The following MAP3K9 variants were observed in gnomAD, a reference collection of about 807,000 sequenced individuals.
MAP3K9 encodes mixed lineage kinase 1 (tyr and ser/thr specificity).
A neutral mutation model predicts 95.8 loss-of-function variants in MAP3K9; 46 were observed. The observed-to-expected ratio is 0.48, with a 90% CI of 0.38 to 0.61. The LOEUF (loss-of-function observed/expected upper bound fraction) is 0.61. MAP3K9 is among the 20% of genes least tolerant of loss of function. The pLI is 0.00. For synonymous variants in MAP3K9, 533 were observed against 593.8 expected, an observed-to-expected ratio of 0.90 and a Z score of 1.49; for missense variants, 1,296 against 1,474.3, an observed-to-expected ratio of 0.88 and a Z score of 1.98.
Position 70,792,252 on chromosome 14 carries a change from C to T in MAP3K9, c.820+8415G>A, listed in dbSNP as rs188620183. On this transcript the variant is annotated intron_variant, in intron 2 of 11. Coordinates refer to ENST00000554752, the MANE Select transcript of MAP3K9 (RefSeq NM_001284230.2). The stretch of plus-strand genomic sequence containing the variant: ...CAAAAGATAAATCCAATTCTCTGAG[C>T]GCTTGTACACTTTTGCCTGGGAAAA... Among the ~76,000 whole-genome samples, 179 of 152,308 alleles carry T rather than the reference C, an allele frequency of 1.2e-3. 1 individual carries two copies. Among genetic ancestry groups the T allele is most frequent in the African/African-American group, 3.8e-3 (159 of 41,546 alleles).
intron 2 of MAP3K9, among the ~76,000 whole-genome samples, chr14:70,788,687 G>C (rs535481767): frequency 6.6e-6 from 1 of 152,320 alleles, no homozygotes; most frequent in Non-Finnish European, 1.5e-5. Flanking sequence ...GTATGTATGG[G>C]AAAGACACAG....
At chr14:70,748,786 T>A in intron 5 of MAP3K9, 43 bp downstream of exon 5, 2 of 1,547,602 alleles carry the variant, frequency 1.3e-6, no homozygotes, top group Non-Finnish European at 1.8e-6. Flanking sequence ...CATGCCTTTT[T>A]TCTTTTCGTT....
Position 70,726,802 on chromosome 14 carries a change from A to C in MAP3K9, c.*3578T>G, listed in dbSNP as rs2053826124. 1 of 152,266 alleles carries C rather than the reference A, an allele frequency of 6.6e-6. No homozygotes were observed. 9.4% of individuals were successfully genotyped at this position (152,266 alleles called of 1,614,324 possible). On this transcript the variant is annotated 3_prime_UTR_variant, in exon 12 of 12. Coordinates refer to ENST00000554752, the MANE Select transcript of MAP3K9 (RefSeq NM_001284230.2). ...TTCAGCGATTCATCCTGTATAGATG[A>C]AAGAAGCTTCCTCTAGGAGCTGGCA...
intron 2 of MAP3K9, among the ~76,000 whole-genome samples, chr14:70,797,615 G>A (rs1219264195): frequency 3.3e-5 from 5 of 152,166 alleles, no homozygotes; most frequent in African/African-American, 4.8e-5. Flanking sequence ...GCAGTCTCCT[G>A]TAATCCCAGC....
intron 1 of MAP3K9, among the ~76,000 whole-genome samples, chr14:70,803,986 G>A (rs1324366841): frequency 1.3e-5 from 2 of 152,230 alleles, no homozygotes; most frequent in Admixed American, 6.5e-5. Context: ...TCTTGCTGCA[G>A]GGATTTTTTG....
intron 1 of MAP3K9, among the ~76,000 whole-genome samples, chr14:70,801,832 G>A (rs2054933865): frequency 6.6e-6 from 1 of 152,166 alleles, no homozygotes; most frequent in African/African-American, 2.4e-5. Context: ...GGGCAGGGAA[G>A]GACAATCAGG....
chr14:70,808,321 T>G lies in MAP3K9; in HGVS notation c.406+445A>C, dbSNP rs971596918. On this transcript the variant is annotated intron_variant, in intron 1 of 11. Coordinates refer to ENST00000554752, the MANE Select transcript of MAP3K9 (RefSeq NM_001284230.2). Reference sequence around the variant, plus strand: ...CCATCTCTTTGAAAGCAAATGCCTTTAGGAGGCGGGGACAGGCGTTAGAAG... The same window carrying G: ...CCATCTCTTTGAAAGCAAATGCCTTGAGGAGGCGGGGACAGGCGTTAGAAG... Among the ~76,000 whole-genome samples, 8 of 150,862 alleles carry G rather than the reference T, an allele frequency of 5.3e-5. No individual in the cohort carries two copies. In the Admixed American group the frequency reaches 5.3e-4, roughly 10 times the overall value.
At chr14:70,806,646 G>A (rs573158739) in intron 1 of MAP3K9, among the ~76,000 whole-genome samples, 8 of 152,264 alleles carry the variant, frequency 5.3e-5, no homozygotes, top group Middle Eastern at 3.4e-3. Context: ...AAAGTAGCAC[G>A]CTGTTGCCAT....
chr14:70,738,469 C>T, intron 7 of MAP3K9, 71 bp from the exon 8 acceptor site: 2 of 1,334,680 alleles, frequency 1.5e-6, no homozygotes, highest in Non-Finnish European at 2.1e-6. Context: ...AGCCTCTATA[C>T]CACCACACAC....
At position 70,734,404 on chromosome 14, in the gene MAP3K9, T is replaced by C; in HGVS notation, c.2008A>G (p.Thr670Ala). Residue 670 changes from threonine (T) to alanine (A), a missense_variant, in exon 10 of 12, where the codon ACC (threonine) becomes GCC (alanine). Transcript: ENST00000554752. ...PRSSPALPGF[T>A]SLMEMEDEDS... Reference sequence around the variant, plus strand: ...TGCTTACCCATCTCCATAAGGCTGGTGAACCCTGGCAGGGCCGGGCTACTC... The same window carrying C: ...TGCTTACCCATCTCCATAAGGCTGGCGAACCCTGGCAGGGCCGGGCTACTC... 1 of 1,613,792 alleles carries C rather than the reference T, an allele frequency of 6.2e-7. No homozygotes were observed. Among genetic ancestry groups the C allele is most frequent in the South Asian group, 1.1e-5 (1 of 91,076 alleles).
intron 2 of MAP3K9, among the ~76,000 whole-genome samples, chr14:70,799,520 T>C (rs2054905127): frequency 6.6e-6 from 1 of 152,070 alleles, no homozygotes; most frequent in South Asian, 2.1e-4. Context: ...TTTGTATTTT[T>C]AGTGGAGACG....
At chr14:70,762,482 T>C (rs2054389425) in intron 2 of MAP3K9, among the ~76,000 whole-genome samples, 1 of 152,240 alleles carries the variant, frequency 6.6e-6, no homozygotes, top group African/African-American at 2.4e-5. Flanking sequence ...GGTTTGCATT[T>C]CCCTGATGAC....
Position 70,742,504 on chromosome 14 carries a change from G to C in MAP3K9, c.1414C>G (p.Leu472Val). Reference sequence around the variant, plus strand: ...AGGATGTCAATCTCCCGCTCGGCCAGCTCCTGCTCCCGACGCCGCAGCAGT... The same window carrying C: ...AGGATGTCAATCTCCCGCTCGGCCACCTCCTGCTCCCGACGCCGCAGCAGT... The part of the protein sequence containing the change: ...EELLRRREQE[L>V]AEREIDILER... Residue 472 changes from leucine (L) to valine (V), a missense_variant, in exon 6 of 12, where the codon CTG becomes GTG. Physicochemically the swap from Leu to Val is conservative, Grantham distance 32 (BLOSUM62 1). Transcript: ENST00000554752. 1 of 1,614,232 alleles carries C rather than the reference G, an allele frequency of 6.2e-7. No homozygotes were observed. The highest frequency in any genetic ancestry group is 8.5e-7 in the Non-Finnish European group (1 of 1,180,048).
At chr14:70,786,120 C>T (rs1387146681) in intron 2 of MAP3K9, among the ~76,000 whole-genome samples, 2 of 152,136 alleles carry the variant, frequency 1.3e-5, no homozygotes, top group Non-Finnish European at 2.9e-5. Context: ...GAAAATTTTA[C>T]GTCCTTAGTT....
rs971146844 is a variant in MAP3K9, at chr14:70,734,321, C to T, written c.2026+65G>A. 2.1e-5 allele frequency: 24 copies of T among 1,135,094 alleles called. No individual in the cohort carries two copies. The Admixed American group carries it at 4.0e-4, about 19-fold the overall frequency. The allele number at this position is 1,135,094 out of a possible 1,614,324, so 70.3% of individuals were successfully genotyped here. On this transcript the variant is annotated intron_variant, in intron 10 of 11. Coordinates refer to ENST00000554752, the MANE Select transcript of MAP3K9 (RefSeq NM_001284230.2). ...AGGGGTCCTTAAATGGTCCTAGAAGCTTGGGCAAGAATGCCCCCAGGGAGC... is the reference window on the plus strand; with the variant it reads ...AGGGGTCCTTAAATGGTCCTAGAAGTTTGGGCAAGAATGCCCCCAGGGAGC...
At chr14:70,742,041 T>C (rs1329134302) in intron 6 of MAP3K9, among the ~76,000 whole-genome samples, 1 of 152,198 alleles carries the variant, frequency 6.6e-6, no homozygotes, top group Non-Finnish European at 1.5e-5. Context: ...CCCAACTTCA[T>C]GCTTCCTTCT....
intron 3 of MAP3K9, among the ~76,000 whole-genome samples, chr14:70,753,771 T>C (rs2054261976): frequency 6.6e-6 from 1 of 152,184 alleles, no homozygotes; most frequent in South Asian, 2.1e-4. Flanking sequence ...AGTTAATAAT[T>C]AACCACCTCC....
intron 1 of MAP3K9, among the ~76,000 whole-genome samples, chr14:70,805,798 C>T (rs564123494): frequency 5.3e-5 from 8 of 152,150 alleles, no homozygotes; most frequent in Admixed American, 1.3e-4. Flanking sequence ...TGGTGGCATG[C>T]GCCTCTGGTC....
At chr14:70,788,115 CTCTT>C (rs1414424047) in intron 2 of MAP3K9, among the ~76,000 whole-genome samples, 1 of 152,152 alleles carries the variant, frequency 6.6e-6, no homozygotes, top group Non-Finnish European at 1.5e-5. Flanking sequence ...TTTTTTCTCT[CTCTT>C]TTTCTGGAGA....
Sources: gnomAD v4.1 joint callset for allele counts (sites outside exome capture counted in the v4.1 genomes callset) on GRCh38, gnomAD v4.1.1 for gene constraint, MANE v1.5 for transcripts, NCBI Gene and HGNC (gene_info 2026-07-23, HGNC 2026-07-21) for gene names.